CYB5R4: variants seen among roughly 807,000 people sequenced by gnomAD.
CYB5R4 encodes the protein N-terminal cytochrome b5 and cytochrome b5 oxidoreductase domain-containing protein.
A neutral mutation model predicts 70.2 loss-of-function variants in CYB5R4; 55 were observed. That is an observed-to-expected ratio of 0.78 (90% CI 0.63 to 0.98). CYB5R4 has a LOEUF of 0.98. CYB5R4 is among the 50% of genes least tolerant of loss of function. CYB5R4 has a pLI of 0.00. For synonymous variants in CYB5R4, 197 were observed against 199.5 expected, an observed-to-expected ratio of 0.99 and a Z score of 0.11; for missense variants, 562 against 612.6, an observed-to-expected ratio of 0.92 and a Z score of 0.87.
intron 14 of CYB5R4, among the ~76,000 whole-genome samples, chr6:83,952,811 CTG>C (rs61756918): frequency 0.18 from 27,520 of 152,012 alleles, 3,043 homozygotes; most frequent in Non-Finnish European, 0.25. Flanking sequence ...CAGTGACACT[CTG>C]TGGCTCATCT....
intron 2 of CYB5R4, among the ~76,000 whole-genome samples, chr6:83,891,227 A>G (rs1456261215): frequency 6.6e-6 from 1 of 152,190 alleles, no homozygotes; most frequent in African/African-American, 2.4e-5. Flanking sequence ...GATTACAGGC[A>G]TAAGCCGCCA....
intron 15 of CYB5R4, 45 bp from the exon 16 acceptor site, chr6:83,959,779 A>G (rs1451362340): frequency 2.6e-6 from 4 of 1,522,676 alleles, no homozygotes; most frequent in African/African-American, 1.4e-5. Context: ...TCTTCATTTT[A>G]AAGCATTTTC....
At chr6:83,921,258 G>C in intron 8 of CYB5R4, 83 bp downstream of exon 8, 1 of 1,199,438 alleles carries the variant, frequency 8.3e-7, no homozygotes, top group Non-Finnish European at 1.1e-6. Flanking sequence ...CTAGGTAACT[G>C]TAATATTTTA....
At chr6:83,860,086 C>CTA (rs1228570837) in intron 1 of CYB5R4, among the ~76,000 whole-genome samples, 3 of 152,120 alleles carry the variant, frequency 2.0e-5, no homozygotes, top group Non-Finnish European at 4.4e-5. Context: ...CTTTATCCCG[C>CTA]TCTATCCGTT....
At chr6:83,873,821 G>C (rs1240183839) in intron 2 of CYB5R4, among the ~76,000 whole-genome samples, 1 of 152,116 alleles carries the variant, frequency 6.6e-6, no homozygotes, top group Non-Finnish European at 1.5e-5. Context: ...TGTTAAGGAG[G>C]TGTGCTGTGC....
intron 1 of CYB5R4, among the ~76,000 whole-genome samples, chr6:83,860,911 A>C (rs1428174004): frequency 6.6e-6 from 1 of 152,154 alleles, no homozygotes. Flanking sequence ...TATTGTCTCT[A>C]TTTCGCAGAA....
At chr6:83,893,672 A>C in intron 3 of CYB5R4, 50 bp downstream of exon 3, 1 of 1,060,112 alleles carries the variant, frequency 9.4e-7, no homozygotes, top group Non-Finnish European at 1.4e-6. Context: ...GAGTACTCAG[A>C]TTTATCAGTG....
intron 2 of CYB5R4, among the ~76,000 whole-genome samples, chr6:83,883,888 T>C (rs138625555): frequency 4.6e-5 from 7 of 152,140 alleles, no homozygotes; most frequent in African/African-American, 1.7e-4. Context: ...ATATTAACTC[T>C]TAAGTAAGCA....
chr6:83,891,672 G>GT (rs1269480529), intron 2 of CYB5R4, among the ~76,000 whole-genome samples: 1 of 152,262 alleles, frequency 6.6e-6, no homozygotes, highest in Non-Finnish European at 1.5e-5. Flanking sequence ...GACATTCCTA[G>GT]TTTTTTTCGT....
intron 2 of CYB5R4, among the ~76,000 whole-genome samples, chr6:83,887,624 A>G (rs2099460456): frequency 6.6e-6 from 1 of 152,180 alleles, no homozygotes; most frequent in Admixed American, 6.5e-5. Context: ...ATTTATTTAA[A>G]CATTGGAGTA....
At chr6:83,954,083 G>GC (rs200581509) in intron 14 of CYB5R4, among the ~76,000 whole-genome samples, 3,849 of 152,162 alleles carry the variant, frequency 0.025, 77 homozygotes, top group Admixed American at 0.041. Context: ...TTTACTGTGT[G>GC]CCCCCCACAT....
At chr6:83,932,306 C>CT (rs1172141084) in intron 10 of CYB5R4, among the ~76,000 whole-genome samples, 2 of 152,160 alleles carry the variant, frequency 1.3e-5, no homozygotes, top group Admixed American at 6.5e-5. Context: ...TGTCAACTCT[C>CT]TAACAAGGAA....
At chr6:83,871,664 A>T (rs898773583) in intron 2 of CYB5R4, among the ~76,000 whole-genome samples, 26 of 152,162 alleles carry the variant, frequency 1.7e-4, no homozygotes, top group African/African-American at 5.5e-4. Flanking sequence ...ATTTAATTTT[A>T]AAAAAGGATA....
chr6:83,890,627 G>A (rs2099460991), intron 2 of CYB5R4, among the ~76,000 whole-genome samples: 1 of 152,188 alleles, frequency 6.6e-6, no homozygotes, highest in Non-Finnish European at 1.5e-5. Context: ...GTTCTACTGT[G>A]AGTAAAATGC....
chr6:83,878,493 A>T (rs2099458935), intron 2 of CYB5R4, among the ~76,000 whole-genome samples: 1 of 152,052 alleles, frequency 6.6e-6, no homozygotes, highest in Non-Finnish European at 1.5e-5. Context: ...GACTACAGGC[A>T]CACGCCACCA....
At chr6:83,945,758 G>A (rs2099470488) in intron 14 of CYB5R4, among the ~76,000 whole-genome samples, 1 of 152,100 alleles carries the variant, frequency 6.6e-6, no homozygotes, top group Non-Finnish European at 1.5e-5. Flanking sequence ...TGATCCCACA[G>A]AAATACAGAC....
chr6:83,923,745 GTT>G (rs1374569665), intron 9 of CYB5R4, among the ~76,000 whole-genome samples: 3 of 151,946 alleles, frequency 2.0e-5, no homozygotes, highest in Non-Finnish European at 4.4e-5. Flanking sequence ...CTCTTCTTGT[GTT>G]TAGTAGGCTC....
At chr6:83,908,178 C>T (rs2099464111) in intron 3 of CYB5R4, among the ~76,000 whole-genome samples, 1 of 152,126 alleles carries the variant, frequency 6.6e-6, no homozygotes, top group Non-Finnish European at 1.5e-5. Flanking sequence ...ATTCTAACTG[C>T]CATGAGATGG....
At chr6:83,891,341 T>C (rs2099461092) in intron 2 of CYB5R4, among the ~76,000 whole-genome samples, 1 of 152,200 alleles carries the variant, frequency 6.6e-6, no homozygotes, top group African/African-American at 2.4e-5. Context: ...ACCTGCAATA[T>C]CTCTGAGGTA....
Sources: allele counts gnomAD v4.1 joint callset (sites outside exome capture counted in the v4.1 genomes callset), GRCh38; gene constraint gnomAD v4.1.1; transcripts MANE v1.5; gene names NCBI Gene and HGNC (gene_info 2026-07-23, HGNC 2026-07-21).